Variants in ALMS1 observed in about 807,000 individuals in gnomAD.
The protein encoded by ALMS1 is ALMS1 centrosome and basal body associated protein, also known as centrosome-associated protein ALMS1.
A neutral mutation model predicts 352.2 loss-of-function variants in ALMS1; 271 were observed. That is an observed-to-expected ratio of 0.77 (90% CI 0.70 to 0.85). ALMS1 has a LOEUF of 0.85. Among genes scored for constraint, ALMS1 ranks in the 40% least tolerant of loss-of-function variants. The pLI is 0.00. For synonymous variants in ALMS1, 1,865 were observed against 1,761.2 expected (o/e 1.06, Z -1.48); for missense variants, 5,445 against 4,870.7 (o/e 1.12, Z -3.51).
At chr2:73,409,499 T>G (rs747679812) in intron 2 of ALMS1, among the ~76,000 whole-genome samples, 2 of 152,184 alleles carry the variant, frequency 1.3e-5, no homozygotes, top group Non-Finnish European at 2.9e-5. Context: ...TACAAGAAAT[T>G]AAAACATTTA....
chr2:73,451,119 G>A lies in ALMS1; in HGVS notation c.4592G>A (p.Gly1531Asp). Residue 1531 changes from glycine (G) to aspartate (D), a missense_variant, in exon 8 of 23, where the codon GGC becomes GAC. Coordinates refer to ENST00000613296, the MANE Select transcript of ALMS1 (RefSeq NM_001378454.1). ...TACTCACAACATAGAGCAAAGTCTG[G>A]CAGTTTCTACCAACTGGCATTGCTA... is the stretch of plus-strand genomic sequence containing the variant. ...PSYSQHRAKS[G>D]SFYQLALLGS... 6.2e-7 allele frequency: 1 copy of A among 1,613,616 alleles called. No homozygotes were observed. The highest frequency in any genetic ancestry group is 1.3e-5 in the African/African-American group (1 of 74,884).
At chr2:73,444,003 C>G (rs1671764155) in intron 7 of ALMS1, among the ~76,000 whole-genome samples, 1 of 152,052 alleles carries the variant, frequency 6.6e-6, no homozygotes. Flanking sequence ...TTCCCTGCCT[C>G]TAAACCTAAT....
chr2:73,418,357 A>T (rs543161307), intron 2 of ALMS1, among the ~76,000 whole-genome samples: 1 of 152,346 alleles, frequency 6.6e-6, no homozygotes, highest in Admixed American at 6.5e-5. Context: ...TCGTTTAGAA[A>T]CTAGTAGAGC....
At chr2:73,398,002 C>A (rs1670797847) in intron 1 of ALMS1, among the ~76,000 whole-genome samples, 1 of 152,182 alleles carries the variant, frequency 6.6e-6, no homozygotes, top group South Asian at 2.1e-4. Flanking sequence ...TCAATTATTT[C>A]TTTCATAGAT....
intron 9 of ALMS1, among the ~76,000 whole-genome samples, chr2:73,472,503 T>C (rs976147543): frequency 1.3e-5 from 2 of 152,046 alleles, no homozygotes; most frequent in Admixed American, 6.6e-5. Flanking sequence ...AAAAGTCATA[T>C]AATATGGTGG....
At chr2:73,459,414 G>A (rs1275006787) in intron 9 of ALMS1, 1 of 151,956 alleles carries the variant, frequency 6.6e-6, no homozygotes, top group African/African-American at 2.4e-5. Context: ...CTCTAGTTTA[G>A]GATCTAGTGT....
intron 7 of ALMS1, among the ~76,000 whole-genome samples, chr2:73,446,186 G>A (rs1671808529): frequency 6.6e-6 from 1 of 151,960 alleles, no homozygotes; most frequent in South Asian, 2.1e-4. Flanking sequence ...TACCCCTGAG[G>A]TTAAAAAGAC....
At position 73,534,872 on chromosome 2, in the gene ALMS1, A is replaced by G. The variant is rs200826787; in HGVS notation, c.9830A>G (p.Tyr3277Cys). 5 of 1,613,646 alleles carry G rather than the reference A, an allele frequency of 3.1e-6. No homozygotes were observed. The highest frequency in any genetic ancestry group is 4.2e-6 in the Non-Finnish European group (5 of 1,179,648). ...PYKPSGSTKMYYVPQLRQIPP... is the reference protein window; with the variant it reads ...PYKPSGSTKMCYVPQLRQIPP... ...AAGCCTTCTGGTAGTACCAAGATGT[A>G]TTATGTTCCACAATTAAGACAAATT... is the stretch of plus-strand genomic sequence containing the variant. The change falls in exon 12 of 23, where the codon TAT (tyrosine) becomes TGT (cysteine). Residue 3277 changes from tyrosine (Y) to cysteine (C), a missense_variant. By Grantham distance (194) the Tyr-to-Cys change is radical. Transcript: ENST00000613296.
chr2:73,453,102 G>A lies in ALMS1; in HGVS notation c.6575G>A (p.Gly2192Asp), dbSNP rs193286818. The A allele has an allele frequency of 3.1e-6, 5 of 1,614,054 alleles. No individual in the cohort carries two copies. The East Asian group carries it at 1.1e-4, about 36-fold the overall frequency. The change falls in exon 8 of 23, where the codon GGT becomes GAT. Residue 2192 changes from glycine (G) to aspartate (D), a missense_variant. By Grantham distance (94) the Gly-to-Asp change is moderately conservative (BLOSUM62 -1). Transcript: ENST00000613296. ...QTVPSGTYSH[G>D]ENHKLVSEHV... Reference sequence around the variant, plus strand: ...GTTCCCTCTGGTACTTACTCACATGGTGAGAATCACAAGCTTGTTTCAGAA... The same window carrying A: ...GTTCCCTCTGGTACTTACTCACATGATGAGAATCACAAGCTTGTTTCAGAA...
chr2:73,485,404 G>T (rs902313211), intron 9 of ALMS1, among the ~76,000 whole-genome samples: 1 of 152,242 alleles, frequency 6.6e-6, no homozygotes, highest in Non-Finnish European at 1.5e-5. Flanking sequence ...AGGGGTCAGG[G>T]ACCCACTTGA....
rs1674441471 is a variant in ALMS1 at position 73,551,801 on chromosome 2, T to A, written c.10078+1364T>A. Among the ~76,000 whole-genome samples, 2 of 152,152 alleles carry A rather than the reference T, an allele frequency of 1.3e-5. 1 individual carries two copies. The highest frequency in any genetic ancestry group is 2.9e-5 in the Non-Finnish European group (2 of 68,036). On this transcript the variant is annotated intron_variant, in intron 13 of 22. Transcript: ENST00000613296. ...CCATTATACTTTTGTAGCTGATAGA[T>A]GATAATATTTATTAAATGAAAACTC...
intron 16 of ALMS1, among the ~76,000 whole-genome samples, chr2:73,583,244 T>C (rs951930669): frequency 6.6e-6 from 1 of 151,882 alleles, no homozygotes; most frequent in Non-Finnish European, 1.5e-5. Context: ...TCCATCCTGG[T>C]CTCGAGCTCC....
At chr2:73,506,493 C>T (rs1054634279) in intron 10 of ALMS1, among the ~76,000 whole-genome samples, 2 of 152,140 alleles carry the variant, frequency 1.3e-5, no homozygotes, top group African/African-American at 4.8e-5. Flanking sequence ...TCCTTGAAGA[C>T]ATCCTTCACA....
At chr2:73,472,966 A>C (rs78278157) in intron 9 of ALMS1, among the ~76,000 whole-genome samples, 1 of 152,132 alleles carries the variant, frequency 6.6e-6, no homozygotes, top group Non-Finnish European at 1.5e-5. Flanking sequence ...AATTAGGACA[A>C]TGAATAGGTA....
At position 73,534,933 on chromosome 2, in the gene ALMS1, T is replaced by G; in HGVS notation, c.9891T>G (p.Val3297=). The G allele has an allele frequency of 1.9e-6, 3 of 1,613,834 alleles. No individual in the cohort carries two copies. The highest frequency in any genetic ancestry group is 2.5e-6 in the Non-Finnish European group (3 of 1,179,780). Reference sequence around the variant, plus strand: ...CGGATTCCAAATCAGATACCACCGTTGAAAGCTCCCATTCAGGTATTATGC... The same window carrying G: ...CGGATTCCAAATCAGATACCACCGTGGAAAGCTCCCATTCAGGTATTATGC... ...PSPDSKSDTT[V]ESSHSGSNDA... The change falls in exon 12 of 23, where the codon GTT becomes GTG. Residue 3297 remains valine, a synonymous_variant. Coordinates refer to ENST00000613296, the MANE Select transcript of ALMS1 (RefSeq NM_001378454.1).
At chr2:73,482,916 G>T (rs1293365476) in intron 9 of ALMS1, among the ~76,000 whole-genome samples, 1 of 152,120 alleles carries the variant, frequency 6.6e-6, no homozygotes, top group Non-Finnish European at 1.5e-5. Context: ...TGTGGGATCG[G>T]TGGTGATATC....
chr2:73,530,213 T>C (rs1328948275), intron 11 of ALMS1, among the ~76,000 whole-genome samples: 1 of 152,210 alleles, frequency 6.6e-6, no homozygotes, highest in African/African-American at 2.4e-5. Context: ...GTAGGTCCCT[T>C]CTGCCTGTGA....
At chr2:73,440,020 G>T (rs749864041) in intron 7 of ALMS1, among the ~76,000 whole-genome samples, 1 of 151,026 alleles carries the variant, frequency 6.6e-6, no homozygotes, top group African/African-American at 2.4e-5. Context: ...TCGCTCTGTC[G>T]CCCAGGCTGG....
At chr2:73,396,550 CTTTTTTTTTTTT>C (rs60473435) in intron 1 of ALMS1, among the ~76,000 whole-genome samples, 2 of 78,258 alleles carry the variant, frequency 2.6e-5, no homozygotes, top group Admixed American at 3.3e-4. Flanking sequence ...GGTCTGAGCT[CTTTTTTTTTTTT>C]TTTTTTTTTG....
Sources: allele counts gnomAD v4.1 joint callset (sites outside exome capture counted in the v4.1 genomes callset), GRCh38; gene constraint gnomAD v4.1.1; transcripts MANE v1.5; gene names NCBI Gene and HGNC (gene_info 2026-07-23, HGNC 2026-07-21).